Variants in ADORA2B observed in about 807,000 individuals in gnomAD.
ADORA2B encodes the protein adenosine A2b receptor, also known as adenosine receptor A2b.
ADORA2B carries 18 observed loss-of-function variants against 20.8 expected under a neutral mutation model. That is an observed-to-expected ratio of 0.87 (90% CI 0.60 to 1.29). The LOEUF is 1.29. ADORA2B is among the 50% of genes most tolerant of loss of function. ADORA2B has a pLI of 0.00. For missense variants in ADORA2B, 441 were observed against 422.7 expected (o/e 1.04, Z -0.38); for synonymous variants, 179 against 178.3 (o/e 1.00, Z -0.03).
At chr17:15,958,530 C>T (rs555208462) in intron 1 of ADORA2B, among the ~76,000 whole-genome samples, 99 of 152,280 alleles carry the variant, frequency 6.5e-4, no homozygotes, top group Non-Finnish European at 1.1e-3. Flanking sequence ...AGGATGTCAT[C>T]CCAGATCTCT....
the ADORA2B span, among the ~76,000 whole-genome samples, chr17:15,911,923 G>A: frequency 6.6e-6 from 1 of 152,118 alleles, no homozygotes; most frequent in Non-Finnish European, 1.5e-5. Context: ...TTAAAAATTA[G>A]CCAGGCCAGC....
At chr17:15,900,966 C>T in the ADORA2B span, among the ~76,000 whole-genome samples, 1 of 152,126 alleles carries the variant, frequency 6.6e-6, no homozygotes, top group African/African-American at 2.4e-5. Context: ...ACAGTCAGAA[C>T]GTGTGTCCCC....
rs770022731 is a variant in ADORA2B at position 15,975,026 on chromosome 17, G to A, written c.683G>A (p.Arg228Gln). 7 of 1,614,012 alleles carry A rather than the reference G, an allele frequency of 4.3e-6. No homozygotes were observed. The highest frequency in any genetic ancestry group is 4.5e-5 in the East Asian group (2 of 44,892). The change falls in exon 2 of 2, where the codon CGG (arginine) becomes CAG (glutamine). Residue 228 changes from arginine to glutamine, a missense_variant. Transcript: ENST00000304222. ...LMDHSRTTLQREIHAAKSLAM... is the reference protein window; with the variant it reads ...LMDHSRTTLQQEIHAAKSLAM... ...GACCACTCGAGGACCACCCTCCAGCGGGAGATCCATGCAGCCAAGTCACTG... is the reference window on the plus strand; with the variant it reads ...GACCACTCGAGGACCACCCTCCAGCAGGAGATCCATGCAGCCAAGTCACTG...
chr17:15,875,607 G>A, the ADORA2B span, among the ~76,000 whole-genome samples: 14 of 151,756 alleles, frequency 9.2e-5, 1 homozygote, highest in South Asian at 1.9e-3. Flanking sequence ...TTTTTGAGAC[G>A]GAGTCTCACT....
At chr17:15,945,803 C>A (rs1332009365) in intron 1 of ADORA2B, among the ~76,000 whole-genome samples, 1 of 151,912 alleles carries the variant, frequency 6.6e-6, no homozygotes, top group Non-Finnish European at 1.5e-5. Context: ...CTAAGGAGAT[C>A]TGCGTAGGGA....
chr17:15,946,546 G>A (rs142000746), intron 1 of ADORA2B, among the ~76,000 whole-genome samples: 8 of 152,348 alleles, frequency 5.3e-5, no homozygotes, highest in Non-Finnish European at 1.2e-4. Flanking sequence ...ATTTGGAGCT[G>A]AGACAGGGAA....
chr17:15,922,806 G>C, the ADORA2B span, among the ~76,000 whole-genome samples: 2 of 152,224 alleles, frequency 1.3e-5, no homozygotes, highest in Non-Finnish European at 2.9e-5. Context: ...GAGCATCATA[G>C]GAGAGTGTCT....
the ADORA2B span, among the ~76,000 whole-genome samples, chr17:15,856,215 G>GT: frequency 6.6e-6 from 1 of 151,534 alleles, no homozygotes; most frequent in African/African-American, 2.4e-5. Context: ...TTTTATAAGT[G>GT]TTTGACAGTT....
upstream of ADORA2B, among the ~76,000 whole-genome samples, chr17:15,941,507 C>T (rs188972725): frequency 1.8e-3 from 274 of 152,136 alleles, 2 homozygotes; most frequent in African/African-American, 6.3e-3. Flanking sequence ...ATGGGAGGAT[C>T]GCTTGAGCCC....
At chr17:15,965,311 C>A (rs1970102133) in intron 1 of ADORA2B, among the ~76,000 whole-genome samples, 1 of 152,196 alleles carries the variant, frequency 6.6e-6, no homozygotes, top group Admixed American at 6.5e-5. Context: ...TTCTTATAAA[C>A]TCAGGCTTTC....
the ADORA2B span, among the ~76,000 whole-genome samples, chr17:15,898,982 C>T: frequency 6.6e-6 from 1 of 152,192 alleles, no homozygotes. Flanking sequence ...ATAATCCCAG[C>T]ATTTTGGGAG....
At chr17:15,906,957 C>CTT in the ADORA2B span, among the ~76,000 whole-genome samples, 44 of 152,310 alleles carry the variant, frequency 2.9e-4, 2 homozygotes, top group East Asian at 8.1e-3. Context: ...TGAGTCCTCT[C>CTT]TGAGTTTAAA....
At chr17:15,936,678 A>G in the ADORA2B span, among the ~76,000 whole-genome samples, 2 of 152,218 alleles carry the variant, frequency 1.3e-5, no homozygotes, top group East Asian at 3.8e-4. Context: ...TCTAGGCCTC[A>G]GGCGCAGTGG....
the ADORA2B span, among the ~76,000 whole-genome samples, chr17:15,887,628 G>A: frequency 7.8e-6 from 1 of 128,088 alleles, no homozygotes. Flanking sequence ...AACTGAGTGG[G>A]TTTAGGAGGT....
the ADORA2B span, among the ~76,000 whole-genome samples, chr17:15,923,206 A>ATTCTTTTTTTTTTT: frequency 3.4e-4 from 39 of 113,504 alleles, no homozygotes; most frequent in African/African-American, 1.4e-3. Flanking sequence ...TCTTTTTTTA[A>ATTCTTTTTTTTTTT]TTTTTTTTTT....
chr17:15,950,225 C>T (rs1025661591), intron 1 of ADORA2B, among the ~76,000 whole-genome samples: 1 of 152,206 alleles, frequency 6.6e-6, no homozygotes, highest in South Asian at 2.1e-4. Context: ...GTGGAGGCCA[C>T]AGCCAAGGAA....
the ADORA2B span, among the ~76,000 whole-genome samples, chr17:15,875,532 A>G: frequency 6.6e-6 from 1 of 152,126 alleles, no homozygotes; most frequent in Non-Finnish European, 1.5e-5. Context: ...TTTCTTTTAC[A>G]CAACCTTTTA....
chr17:15,961,611 C>A (rs770874068), intron 1 of ADORA2B, among the ~76,000 whole-genome samples: 7 of 152,192 alleles, frequency 4.6e-5, no homozygotes, highest in Non-Finnish European at 8.8e-5. Flanking sequence ...TAACAGAATA[C>A]CACAGACTGC....
At chr17:15,882,151 A>G in the ADORA2B span, among the ~76,000 whole-genome samples, 1 of 152,148 alleles carries the variant, frequency 6.6e-6, no homozygotes, top group Non-Finnish European at 1.5e-5. Flanking sequence ...CAACTCATCA[A>G]GGTTGTAGAA....
Sources: gnomAD v4.1 joint callset for allele counts (sites outside exome capture counted in the v4.1 genomes callset) on GRCh38, gnomAD v4.1.1 for gene constraint, MANE v1.5 for transcripts, NCBI Gene and HGNC (gene_info 2026-07-23, HGNC 2026-07-21) for gene names.